C12orf75: variants seen among roughly 807,000 people sequenced by gnomAD.
C12orf75 encodes overexpressed in colon carcinoma 1 protein.
Under a neutral mutation model 11.4 loss-of-function variants are expected in C12orf75, and 4 were observed. The observed-to-expected ratio is 0.35, with a 90% CI of 0.17 to 0.80. The LOEUF (loss-of-function observed/expected upper bound fraction) is 0.80, where lower values mean the gene tolerates loss of function less well. Among genes scored for constraint, C12orf75 ranks in the 30% least tolerant of loss-of-function variants. C12orf75 has a pLI of 0.52. For missense variants in C12orf75, 89 were observed against 80.4 expected, an observed-to-expected ratio of 1.11 and a Z score of -0.41; for synonymous variants, 30 against 30.0, an observed-to-expected ratio of 1.00 and a Z score of 0.00.
At chr12:105,341,306 T>G (rs979238616) in intron 1 of C12orf75, among the ~76,000 whole-genome samples, 1 of 152,168 alleles carries the variant, frequency 6.6e-6, no homozygotes, top group African/African-American at 2.4e-5. Flanking sequence ...GAGAGGTTTT[T>G]TTTTTCCCCC....
chr12:105,348,529 A>T, intron 1 of C12orf75, 73 bp from the exon 2 acceptor site: 1 of 991,498 alleles, frequency 1.0e-6, no homozygotes, highest in Non-Finnish European at 1.4e-6. Context: ...ACTGTATTTT[A>T]ATTAGGTATT....
intron 2 of C12orf75, among the ~76,000 whole-genome samples, chr12:105,352,693 GAA>G (rs1892727779): frequency 6.6e-6 from 1 of 152,174 alleles, no homozygotes; most frequent in Non-Finnish European, 1.5e-5. Context: ...AGGCGAGTAA[GAA>G]AAGCTGATGG....
chr12:105,337,675 A>T (rs1002130203), intron 1 of C12orf75, among the ~76,000 whole-genome samples: 7 of 152,242 alleles, frequency 4.6e-5, no homozygotes, highest in Admixed American at 3.3e-4. Flanking sequence ...TACTGATGTT[A>T]TCTATAGGAG....
intron 1 of C12orf75, among the ~76,000 whole-genome samples, chr12:105,342,038 C>T (rs1029721610): frequency 3.3e-5 from 5 of 152,306 alleles, no homozygotes; most frequent in African/African-American, 1.2e-4. Context: ...AGCATGTTTC[C>T]TTTATAAATT....
chr12:105,370,026 A>G (rs1482276874), intron 5 of C12orf75, among the ~76,000 whole-genome samples: 35 of 152,208 alleles, frequency 2.3e-4, no homozygotes, highest in Admixed American at 2.3e-3. Flanking sequence ...CCAAAGTTCA[A>G]AGTTGATTTG....
At chr12:105,342,955 G>A (rs1307625991) in intron 1 of C12orf75, among the ~76,000 whole-genome samples, 1 of 152,202 alleles carries the variant, frequency 6.6e-6, no homozygotes, top group Non-Finnish European at 1.5e-5. Context: ...CTTCTGAAAT[G>A]TGGAAAGTAA....
intron 1 of C12orf75, among the ~76,000 whole-genome samples, chr12:105,347,275 G>T (rs1431625412): frequency 1.3e-5 from 2 of 152,224 alleles, no homozygotes; most frequent in Non-Finnish European, 2.9e-5. Context: ...TAGGATAGAT[G>T]AATGTATGAA....
At chr12:105,339,268 T>C (rs1892536198) in intron 1 of C12orf75, among the ~76,000 whole-genome samples, 1 of 152,166 alleles carries the variant, frequency 6.6e-6, no homozygotes, top group Non-Finnish European at 1.5e-5. Context: ...AGGGACTGTT[T>C]CTTTTCTAAA....
intron 1 of C12orf75, among the ~76,000 whole-genome samples, chr12:105,331,857 C>T (rs11112469): frequency 0.18 from 27,699 of 152,142 alleles, 2,866 homozygotes; most frequent in Non-Finnish European, 0.24. Flanking sequence ...TTGAAGTCAA[C>T]CAGATGCCAC....
chr12:105,365,035 G>A (rs1350241757), intron 2 of C12orf75, among the ~76,000 whole-genome samples: 1 of 151,560 alleles, frequency 6.6e-6, no homozygotes, highest in East Asian at 1.9e-4. Flanking sequence ...TGGGGTTTCA[G>A]CATGTTGGCC....
chr12:105,365,411 A>T (rs1039501265), intron 2 of C12orf75, among the ~76,000 whole-genome samples: 10 of 152,184 alleles, frequency 6.6e-5, no homozygotes, highest in Non-Finnish European at 1.0e-4. Flanking sequence ...CAACCAGCTT[A>T]TTTTACAAAT....
chr12:105,360,862 G>A (rs1439272048), intron 2 of C12orf75, among the ~76,000 whole-genome samples: 7 of 151,960 alleles, frequency 4.6e-5, no homozygotes, highest in African/African-American at 1.4e-4. Context: ...TGCAACCTCC[G>A]CCTCCCAGGT....
intron 5 of C12orf75, among the ~76,000 whole-genome samples, chr12:105,368,091 G>A (rs1487598134): frequency 6.6e-6 from 1 of 150,466 alleles, no homozygotes; most frequent in Non-Finnish European, 1.5e-5. Flanking sequence ...GTATGGACAT[G>A]GCAAAGAGCT....
At chr12:105,357,597 A>T (rs1592882940) in intron 2 of C12orf75, among the ~76,000 whole-genome samples, 1 of 152,074 alleles carries the variant, frequency 6.6e-6, no homozygotes, top group East Asian at 1.9e-4. Context: ...CTATGACTGA[A>T]AGTCTGACTC....
At chr12:105,344,572 G>C (rs1375357369) in intron 1 of C12orf75, among the ~76,000 whole-genome samples, 1 of 152,076 alleles carries the variant, frequency 6.6e-6, no homozygotes, top group African/African-American at 2.4e-5. Context: ...GAGAAACCCT[G>C]TCTCTACTAA....
chr12:105,334,746 T>A (rs1057240607), intron 1 of C12orf75, among the ~76,000 whole-genome samples: 1 of 152,206 alleles, frequency 6.6e-6, no homozygotes, highest in Non-Finnish European at 1.5e-5. Flanking sequence ...CACTTGTTTT[T>A]CCCCCGAGCA....
chr12:105,342,968 G>A (rs1329891282), intron 1 of C12orf75, among the ~76,000 whole-genome samples: 1 of 152,166 alleles, frequency 6.6e-6, no homozygotes, highest in Non-Finnish European at 1.5e-5. Context: ...GAAAGTAAAA[G>A]CTAAACAGAG....
intron 5 of C12orf75, among the ~76,000 whole-genome samples, chr12:105,368,870 C>T (rs879769918): frequency 2.6e-5 from 4 of 152,128 alleles, no homozygotes; most frequent in Non-Finnish European, 4.4e-5. Context: ...AGAGGGTATT[C>T]GGTTTCTTCT....
intron 2 of C12orf75, among the ~76,000 whole-genome samples, chr12:105,354,021 A>G (rs1892745741): frequency 6.6e-6 from 1 of 152,194 alleles, no homozygotes; most frequent in South Asian, 2.1e-4. Context: ...GATCCTTTAT[A>G]AATTTACCAT....
Sources: gnomAD v4.1 joint callset for allele counts (sites outside exome capture counted in the v4.1 genomes callset) on GRCh38, gnomAD v4.1.1 for gene constraint, MANE v1.5 for transcripts, NCBI Gene and HGNC (gene_info 2026-07-23, HGNC 2026-07-21) for gene names.